The following KIF26A variants were observed in gnomAD, a reference collection of about 807,000 sequenced individuals.
KIF26A encodes the protein kinesin-like protein KIF26A.
A neutral mutation model predicts 126.0 loss-of-function variants in KIF26A; 74 were observed. That is an observed-to-expected ratio of 0.59 (90% CI 0.49 to 0.71). KIF26A has a LOEUF of 0.71. KIF26A is among the 30% of genes least tolerant of loss of function. The probability of loss-of-function intolerance (pLI) is 0.00; values close to 1 mark genes in which losing one functional copy is unlikely to be tolerated. For synonymous variants in KIF26A, 1,445 were observed against 1,232.7 expected, an observed-to-expected ratio of 1.17 and a Z score of -3.61; for missense variants, 2,984 against 2,763.3, an observed-to-expected ratio of 1.08 and a Z score of -1.79.
At chr14:104,169,929 G>A (rs368504811) in intron 5 of KIF26A, among the ~76,000 whole-genome samples, 9 of 152,086 alleles carry the variant, frequency 5.9e-5, no homozygotes, top group Non-Finnish European at 1.2e-4. Context: ...GTTCTCTTTC[G>A]GCAGACAATG....
chr14:104,150,054 C>A (rs1382774853), intron 2 of KIF26A, among the ~76,000 whole-genome samples: 2 of 152,118 alleles, frequency 1.3e-5, no homozygotes, highest in African/African-American at 4.8e-5. Flanking sequence ...CCTGTGTGCC[C>A]ACTGGCCGCA....
chr14:104,167,697 T>C (rs2037920112), intron 5 of KIF26A, among the ~76,000 whole-genome samples: 2 of 152,282 alleles, frequency 1.3e-5, no homozygotes, highest in South Asian at 2.1e-4. Context: ...TGGCAGTGCC[T>C]GGTTCGTGGG....
chr14:104,157,686 T>A, intron 3 of KIF26A, 69 bp from the exon 4 acceptor site: 1 of 1,509,166 alleles, frequency 6.6e-7, no homozygotes. Context: ...TCTCTCCCAC[T>A]CCGGGTGCCA....
intron 4 of KIF26A, among the ~76,000 whole-genome samples, chr14:104,164,130 G>A (rs1222884648): frequency 1.3e-5 from 2 of 152,292 alleles, no homozygotes; most frequent in African/African-American, 2.4e-5. Context: ...TAAGCAAAAC[G>A]CCAGCGCTGC....
chr14:104,172,160 G>A (rs1249648333), intron 6 of KIF26A, among the ~76,000 whole-genome samples: 1 of 152,216 alleles, frequency 6.6e-6, no homozygotes, highest in African/African-American at 2.4e-5. Flanking sequence ...AGTCCACAGG[G>A]AAAGGCCTGG....
rs1294022248 is a variant in KIF26A at position 104,139,234 on chromosome 14, G to A, written c.234G>A (p.Val78=). 3 of 1,559,204 alleles carry A rather than the reference G, an allele frequency of 1.9e-6. No individual in the cohort carries two copies. The African/African-American group carries it at 4.1e-5, about 21-fold the overall frequency. The change falls in exon 2 of 15, where the codon GTG becomes GTA. Residue 78 remains valine, a synonymous_variant. Coordinates refer to ENST00000423312, the MANE Select transcript of KIF26A (RefSeq NM_015656.2). ...GCCGCCACTGCCACACGAAGCTGGT[G>A]GAGCTCAAGCGACAGGCGTGGAAGC... is the stretch of plus-strand genomic sequence containing the variant. ...GWCRHCHTKL[V]ELKRQAWKLV...
rs1302213529 is a variant in KIF26A at position 104,166,888 on chromosome 14, A to G, written c.953A>G (p.Lys318Arg). Reference protein sequence around the residue: ...RAMQKLSLASKRKKPHPPPPP... With the variant: ...RAMQKLSLASRRKKPHPPPPP... ...ATGCAGAAGCTCAGCCTGGCCTCCAAGAGGAAGAAGCCCCACCCGCCACCG... is the reference window on the plus strand; with the variant it reads ...ATGCAGAAGCTCAGCCTGGCCTCCAGGAGGAAGAAGCCCCACCCGCCACCG... The change falls in exon 5 of 15, where the codon AAG becomes AGG. Residue 318 changes from lysine to arginine, a missense_variant. By Grantham distance (26) the Lys-to-Arg change is conservative. Coordinates refer to ENST00000423312, the MANE Select transcript of KIF26A (RefSeq NM_015656.2). 2 of 1,584,656 alleles carry G rather than the reference A, an allele frequency of 1.3e-6. No individual in the cohort carries two copies. Among genetic ancestry groups the G allele is most frequent in the Non-Finnish European group, 1.7e-6 (2 of 1,166,730 alleles).
chr14:104,155,066 C>G (rs1468075524), intron 3 of KIF26A, among the ~76,000 whole-genome samples: 4 of 152,188 alleles, frequency 2.6e-5, no homozygotes, highest in Non-Finnish European at 5.9e-5. Context: ...CGAGTCCGCC[C>G]CATGGGGCTC....
chr14:104,176,319 TG>T lies in KIF26A; in HGVS notation c.3535del (p.Glu1179LysfsTer69). On this transcript the variant is annotated frameshift_variant, in exon 12 of 15. Transcript: ENST00000423312. LOFTEE classifies it high-confidence loss of function. ...SPGPTWGPCP[G>X]EVAAVAPSRP... ...CTGGGCCAACCTGGGGTCCGTGCCC[TG>T]GGGAAGTGGCTGCAGTGGCCCCATC... is the stretch of plus-strand genomic sequence containing the variant. The T allele has an allele frequency of 6.3e-7, 1 of 1,585,524 alleles. No individual in the cohort carries two copies.
intron 3 of KIF26A, among the ~76,000 whole-genome samples, chr14:104,155,893 T>C (rs2037772374): frequency 6.6e-6 from 1 of 152,144 alleles, no homozygotes; most frequent in African/African-American, 2.4e-5. Context: ...GGCTGTGGTG[T>C]AGCAGCTCTG....
At chr14:104,153,094 C>G (rs913000613) in intron 3 of KIF26A, among the ~76,000 whole-genome samples, 1 of 152,118 alleles carries the variant, frequency 6.6e-6, no homozygotes, top group African/African-American at 2.4e-5. Flanking sequence ...GCAGAGACCC[C>G]GTAGTCTCTG....
Position 104,178,695 on chromosome 14 carries a change from G to A in KIF26A, c.5256G>A (p.Glu1752=). 1 of 1,563,650 alleles carries A rather than the reference G, an allele frequency of 6.4e-7. No individual in the cohort carries two copies. The highest frequency in any genetic ancestry group is 8.7e-7 in the Non-Finnish European group (1 of 1,154,434). Residue 1752 remains glutamate, a synonymous_variant, in exon 13 of 15, where the codon GAG becomes GAA. Transcript: ENST00000423312. The part of the protein sequence containing the change: ...LKEPFEIKVY[E]IDDVERLQRP... ...AGCCGTTCGAGATCAAGGTGTACGA[G>A]ATCGATGACGTGGAGCGCCTTCAGC...
At position 104,175,911 on chromosome 14, in the gene KIF26A, C is replaced by A; in HGVS notation, c.3123C>A (p.Ser1041=). ...TGTTCACGGTGGTGGAGGAGCTGTC[C>A]CTGGGGGCGCTTGCCGGAGCTGGGC... is the stretch of plus-strand genomic sequence containing the variant. ...ELVFTVVEEL[S]LGALAGAGRP... Residue 1041 remains serine (S), a synonymous_variant, in exon 12 of 15, where the codon TCC becomes TCA. Coordinates refer to ENST00000423312, the MANE Select transcript of KIF26A (RefSeq NM_015656.2). 6.5e-7 allele frequency: 1 copy of A among 1,546,300 alleles called. No homozygotes were observed. The highest frequency in any genetic ancestry group is 8.7e-7 in the Non-Finnish European group (1 of 1,151,200).
intron 3 of KIF26A, 58 bp from the exon 4 acceptor site, chr14:104,157,696 AG>A: frequency 6.5e-7 from 1 of 1,526,992 alleles, no homozygotes. Context: ...TCCGGGTGCC[AG>A]GGGGCAGTGG....
intron 12 of KIF26A, 79 bp from the exon 13 acceptor site, chr14:104,178,471 G>C (rs567656896): frequency 2.7e-6 from 3 of 1,119,774 alleles, no homozygotes; most frequent in Non-Finnish European, 3.6e-6. Context: ...ACTCGGGCCG[G>C]CTCCGCAGCG....
At chr14:104,166,128 G>A (rs950963811) in intron 4 of KIF26A, among the ~76,000 whole-genome samples, 4 of 152,082 alleles carry the variant, frequency 2.6e-5, no homozygotes, top group Non-Finnish European at 5.9e-5. Context: ...CTGGCTGAGG[G>A]GCAGGGTGGC....
chr14:104,138,867 G>T, intron 1 of KIF26A, 103 bp downstream of exon 1: 1 of 1,259,542 alleles, frequency 7.9e-7, no homozygotes, highest in Non-Finnish European at 1.0e-6. Context: ...GCCTCCTGCT[G>T]AGGGTAGCGG....
chr14:104,180,244 ACTTTT>A lies in KIF26A; in HGVS notation c.*460_*464del, dbSNP rs1210302357. On this transcript the variant is annotated 3_prime_UTR_variant, in exon 15 of 15. Transcript: ENST00000423312. ...CAGGGGTCTTTCAGGATTCAGGATG[ACTTTT>A]CTTTTACAATGGTTTCCTCTCGGCA... 2.6e-5 allele frequency: 4 copies of A among 155,744 alleles called. No homozygotes were observed. The highest frequency in any genetic ancestry group is 4.2e-5 in the Non-Finnish European group (3 of 70,724). 9.6% of individuals were successfully genotyped at this position (155,744 alleles called of 1,614,324 possible).
intron 3 of KIF26A, among the ~76,000 whole-genome samples, chr14:104,156,771 A>G (rs1274362516): frequency 1.3e-5 from 2 of 152,024 alleles, no homozygotes; most frequent in Non-Finnish European, 1.5e-5. Flanking sequence ...GCCACTTGGG[A>G]CACCCTGAGG....
Sources: allele counts gnomAD v4.1 joint callset (sites outside exome capture counted in the v4.1 genomes callset), GRCh38; gene constraint gnomAD v4.1.1; transcripts MANE v1.5; gene names NCBI Gene and HGNC (gene_info 2026-07-23, HGNC 2026-07-21).